PCCA: variants seen among roughly 807,000 people sequenced by gnomAD.
PCCA encodes propionyl-CoA carboxylase subunit alpha, also known as propionyl-CoA carboxylase alpha chain, mitochondrial.
Under a neutral mutation model 101.3 loss-of-function variants are expected in PCCA, and 74 were observed. That is an observed-to-expected ratio of 0.73 (90% confidence interval 0.61 to 0.89). The LOEUF is 0.89. PCCA is among the 40% of genes least tolerant of loss of function. The pLI, the probability that PCCA is intolerant of heterozygous loss-of-function variation, is 0.00. For synonymous variants in PCCA, 294 were observed against 313.6 expected (o/e 0.94, Z 0.66); for missense variants, 891 against 907.0 (o/e 0.98, Z 0.23).
intron 21 of PCCA, among the ~76,000 whole-genome samples, chr13:100,468,629 G>A (rs1007192996): frequency 2.6e-5 from 4 of 152,012 alleles, no homozygotes; most frequent in African/African-American, 7.2e-5. Flanking sequence ...CAGCTTCCTC[G>A]CCTCTCTCAT....
chr13:100,235,445 G>A (rs1306983306), intron 7 of PCCA, among the ~76,000 whole-genome samples: 1 of 152,124 alleles, frequency 6.6e-6, no homozygotes, highest in Non-Finnish European at 1.5e-5. Context: ...TCCCCCTGCT[G>A]ACAGAATCTA....
chr13:100,434,094 G>A (rs956271187), intron 20 of PCCA, among the ~76,000 whole-genome samples: 9 of 152,174 alleles, frequency 5.9e-5, no homozygotes, highest in African/African-American at 2.2e-4. Context: ...TCCCAGGTAT[G>A]GGACAAGACC....
chr13:100,189,062 G>A (rs1458193226), intron 6 of PCCA, among the ~76,000 whole-genome samples: 2 of 151,794 alleles, frequency 1.3e-5, no homozygotes, highest in African/African-American at 2.4e-5. Flanking sequence ...GACAGGCCCC[G>A]GTGTGTGATG....
At chr13:100,227,667 C>T (rs866937268) in intron 7 of PCCA, among the ~76,000 whole-genome samples, 11 of 152,178 alleles carry the variant, frequency 7.2e-5, no homozygotes, top group African/African-American at 1.9e-4. Flanking sequence ...CCCATCGGTG[C>T]TCAAAAGAGT....
intron 18 of PCCA, among the ~76,000 whole-genome samples, chr13:100,361,295 T>G (rs2074558208): frequency 1.3e-5 from 1 of 75,176 alleles, no homozygotes. Context: ...CAGTTAACAG[T>G]AACATTGATA....
Position 100,517,366 on chromosome 13 carries a change from T to C in PCCA, c.2040+1799T>C, listed in dbSNP as rs533141634. Among the ~76,000 whole-genome samples the C allele has an allele frequency of 4.6e-5, 7 of 152,326 alleles. 1 individual carries two copies. The South Asian group carries it at 1.5e-3, about 32-fold the overall frequency. On this transcript the variant is annotated intron_variant, in intron 22 of 23. Coordinates refer to ENST00000376285, the MANE Select transcript of PCCA (RefSeq NM_000282.4). ...CCACATACCGAAAGGGTTTGGCCTTTGTACGTTCCATTTCCTGGTTAATAA... is the reference window on the plus strand; with the variant it reads ...CCACATACCGAAAGGGTTTGGCCTTCGTACGTTCCATTTCCTGGTTAATAA...
intron 8 of PCCA, among the ~76,000 whole-genome samples, chr13:100,252,361 G>T (rs1253594205): frequency 6.6e-6 from 1 of 152,178 alleles, no homozygotes; most frequent in Admixed American, 6.5e-5. Context: ...ATTCATGAGA[G>T]ATTTCTGATT....
chr13:100,461,016 C>T (rs2082129268), intron 21 of PCCA, among the ~76,000 whole-genome samples: 1 of 152,166 alleles, frequency 6.6e-6, no homozygotes, highest in South Asian at 2.1e-4. Flanking sequence ...GGCTGAAAAC[C>T]CAACCTGATC....
chr13:100,132,263 A>G (rs1024543549), intron 4 of PCCA, among the ~76,000 whole-genome samples: 14 of 6,578 alleles, frequency 2.1e-3, no homozygotes, highest in African/African-American at 6.1e-3. Flanking sequence ...CAGAATGCAG[A>G]GTAGTTCCAT....
chr13:100,205,314 C>G (rs1251253954), intron 6 of PCCA, among the ~76,000 whole-genome samples: 1 of 152,140 alleles, frequency 6.6e-6, no homozygotes, highest in Non-Finnish European at 1.5e-5. Context: ...TTATCCTGAC[C>G]TCATCCTTTT....
chr13:100,419,744 G>A (rs554770631), intron 19 of PCCA, among the ~76,000 whole-genome samples: 7 of 152,196 alleles, frequency 4.6e-5, no homozygotes, highest in Non-Finnish European at 7.3e-5. Flanking sequence ...AAGCAGAGAG[G>A]GCATGAGATG....
chr13:100,270,712 C>G (rs2063254224), intron 11 of PCCA, among the ~76,000 whole-genome samples: 1 of 152,026 alleles, frequency 6.6e-6, no homozygotes, highest in Non-Finnish European at 1.5e-5. Context: ...GTTTTCAGTT[C>G]CTGGAGTAAG....
chr13:100,178,353 T>G (rs1437561551), intron 6 of PCCA, among the ~76,000 whole-genome samples: 1 of 152,188 alleles, frequency 6.6e-6, no homozygotes, highest in African/African-American at 2.4e-5. Context: ...AAATAGAAAA[T>G]TTAGGTCTTT....
At chr13:100,219,784 A>AAT (rs2059709398) in intron 7 of PCCA, among the ~76,000 whole-genome samples, 1 of 152,206 alleles carries the variant, frequency 6.6e-6, no homozygotes, top group Non-Finnish European at 1.5e-5. Context: ...AATTCTCTTG[A>AAT]ATAAAACAGA....
At chr13:100,270,789 G>A (rs2063261179) in intron 11 of PCCA, among the ~76,000 whole-genome samples, 1 of 152,192 alleles carries the variant, frequency 6.6e-6, no homozygotes, top group African/African-American at 2.4e-5. Flanking sequence ...TGGGAGGATT[G>A]CTTGAGCCTA....
chr13:100,466,534 A>C (rs1295482027), intron 21 of PCCA, among the ~76,000 whole-genome samples: 11 of 152,212 alleles, frequency 7.2e-5, no homozygotes, highest in Admixed American at 6.5e-4. Context: ...AGCATCAGGG[A>C]ACATAGCAAC....
chr13:100,448,781 T>G (rs1566332922), intron 20 of PCCA, among the ~76,000 whole-genome samples: 1 of 152,242 alleles, frequency 6.6e-6, no homozygotes, highest in Admixed American at 6.5e-5. Context: ...TTTCTATAAC[T>G]ATTTTATTGA....
chr13:100,137,809 T>TA (rs979816690), intron 4 of PCCA, among the ~76,000 whole-genome samples: 108 of 151,880 alleles, frequency 7.1e-4, no homozygotes, highest in African/African-American at 2.2e-3. Context: ...TAAGTCTTTT[T>TA]TTTTTTTTTA....
intron 21 of PCCA, among the ~76,000 whole-genome samples, chr13:100,472,199 A>G (rs1244159111): frequency 3.9e-5 from 6 of 151,974 alleles, no homozygotes; most frequent in Non-Finnish European, 8.8e-5. Context: ...ACATTGATTT[A>G]TTTCCCTTAC....
Sources: gnomAD v4.1 joint callset for allele counts (sites outside exome capture counted in the v4.1 genomes callset) on GRCh38, gnomAD v4.1.1 for gene constraint, MANE v1.5 for transcripts, NCBI Gene and HGNC (gene_info 2026-07-23, HGNC 2026-07-21) for gene names.